The following ITSN1 variants were observed in gnomAD, a reference collection of about 807,000 sequenced individuals.
The protein encoded by ITSN1 is intersectin 1.
A neutral mutation model predicts 239.8 loss-of-function variants in ITSN1; 58 were observed. That is an observed-to-expected ratio of 0.24 (90% CI 0.20 to 0.30). The LOEUF is 0.30. Ranked by LOEUF, ITSN1 falls within the 10% of genes least tolerant of loss-of-function variation. The pLI, the probability that ITSN1 is intolerant of heterozygous loss-of-function variation, is 1.00. For synonymous variants in ITSN1, 780 were observed against 770.8 expected (o/e 1.01, Z -0.20); for missense variants, 1,558 against 2,103.3 (o/e 0.74, Z 5.07).
chr21:33,646,588 TAGTC>T lies in ITSN1; in HGVS notation c.-33+3878_-33+3881del, dbSNP rs548085759. Among the ~76,000 whole-genome samples the T allele has an allele frequency of 5.9e-5, 9 of 152,292 alleles. No individual in the cohort carries two copies. In the South Asian group the frequency reaches 1.0e-3, roughly 18 times the overall value. On this transcript the variant is annotated intron_variant, in intron 1 of 39. Transcript: ENST00000381318. ...GGAGAATATTGTGTTTGACCACACA[TAGTC>T]AGGGAGTTTGATCTAACCTCTCAAT...
chr21:33,725,278 G>A lies in ITSN1; in HGVS notation c.185+2627G>A, dbSNP rs1300486331. On this transcript the variant is annotated intron_variant, in intron 4 of 39. Transcript: ENST00000381318. ...AGCCTCCTGAGTAGCTGGGATTACA[G>A]GCGTACACCACCACGCCTGGCTGAT... Among the ~76,000 whole-genome samples the A allele has an allele frequency of 2.0e-5, 3 of 151,422 alleles. No individual in the cohort carries two copies. In the East Asian group the frequency reaches 5.8e-4, roughly 29 times the overall value.
chr21:33,749,310 T>G (rs908592574), intron 5 of ITSN1, among the ~76,000 whole-genome samples: 21 of 152,166 alleles, frequency 1.4e-4, no homozygotes, highest in African/African-American at 4.6e-4. Context: ...ATTTTTGTTT[T>G]ATCATTTCTT....
rs1269334053 is a variant in ITSN1, at chr21:33,888,943, C to G, written c.*643C>G. ...ATAGCCGTTCCTTCCCCCTCTAGGC[C>G]TTGTATTAATATATGTCAATGAAAA... is the stretch of plus-strand genomic sequence containing the variant. On this transcript the variant is annotated 3_prime_UTR_variant, in exon 40 of 40. Transcript: ENST00000381318. 6.6e-6 allele frequency: 1 copy of G among 152,184 alleles called. No individual in the cohort carries two copies. The highest frequency in any genetic ancestry group is 1.5e-5 in the Non-Finnish European group (1 of 68,082). The allele number at this position is 152,184 out of a possible 1,614,324, so 9.4% of individuals were successfully genotyped here.
rs769888415 is a variant in ITSN1, at chr21:33,811,240, C to T, written c.2567+18C>T. On this transcript the variant is annotated intron_variant, in intron 21 of 39. Transcript: ENST00000381318. ...AGCTCCACGTACGTGTTGGTGGGCTCTTTCTGATGATTTTTGAAATCCCAA... is the reference window on the plus strand; with the variant it reads ...AGCTCCACGTACGTGTTGGTGGGCTTTTTCTGATGATTTTTGAAATCCCAA... The T allele has an allele frequency of 3.2e-6, 5 of 1,543,406 alleles. No individual in the cohort carries two copies. Among genetic ancestry groups the T allele is most frequent in the Non-Finnish European group, 4.4e-6 (5 of 1,147,866 alleles).
intron 31 of ITSN1, among the ~76,000 whole-genome samples, chr21:33,860,370 T>C (rs1223821255): frequency 6.6e-6 from 1 of 151,804 alleles, no homozygotes; most frequent in Non-Finnish European, 1.5e-5. Flanking sequence ...ACCTTTTTCC[T>C]TGGGCAGCTA....
chr21:33,788,015 A>G (rs991456491), intron 16 of ITSN1, among the ~76,000 whole-genome samples: 1 of 152,122 alleles, frequency 6.6e-6, no homozygotes, highest in Non-Finnish European at 1.5e-5. Flanking sequence ...AAGGTTGTAA[A>G]AATTTAATAA....
intron 11 of ITSN1, among the ~76,000 whole-genome samples, chr21:33,768,440 C>T (rs2147744098): frequency 6.6e-6 from 1 of 152,144 alleles, no homozygotes; most frequent in South Asian, 2.1e-4. Flanking sequence ...TGCACCACGC[C>T]CGGCTAATTT....
intron 1 of ITSN1, among the ~76,000 whole-genome samples, chr21:33,674,756 A>G (rs1054019185): frequency 1.3e-5 from 2 of 152,212 alleles, no homozygotes; most frequent in Admixed American, 6.5e-5. Flanking sequence ...TTTTTATTAT[A>G]GGAGTAATGC....
At chr21:33,857,646 G>A (rs1011664917) in intron 30 of ITSN1, among the ~76,000 whole-genome samples, 1 of 152,170 alleles carries the variant, frequency 6.6e-6, no homozygotes, top group African/African-American at 2.4e-5. Flanking sequence ...GCTGTTGGAG[G>A]AGTACAGGGT....
At chr21:33,857,327 C>T (rs1109848) in intron 30 of ITSN1, among the ~76,000 whole-genome samples, 33,209 of 152,208 alleles carry the variant, frequency 0.22, 4,143 homozygotes, top group South Asian at 0.38. Flanking sequence ...AGAATGGCAA[C>T]GTTTCCTCCC....
chr21:33,684,829 A>C (rs1368379086), intron 1 of ITSN1, among the ~76,000 whole-genome samples: 1 of 152,222 alleles, frequency 6.6e-6, no homozygotes, highest in Non-Finnish European at 1.5e-5. Flanking sequence ...ATTGTTTTAT[A>C]ACTTTAAAGA....
intron 1 of ITSN1, among the ~76,000 whole-genome samples, chr21:33,702,848 C>T (rs1024879273): frequency 3.3e-5 from 5 of 152,108 alleles, no homozygotes; most frequent in African/African-American, 7.2e-5. Flanking sequence ...GAGGCTGAGG[C>T]GGGCAGATCA....
chr21:33,725,703 A>G (rs781119537), intron 4 of ITSN1, among the ~76,000 whole-genome samples: 2 of 152,232 alleles, frequency 1.3e-5, no homozygotes, highest in Non-Finnish European at 2.9e-5. Context: ...TAATGTGGCA[A>G]TCTTAGATTG....
intron 1 of ITSN1, among the ~76,000 whole-genome samples, chr21:33,662,252 C>A (rs991866195): frequency 6.6e-6 from 1 of 152,080 alleles, no homozygotes; most frequent in African/African-American, 2.4e-5. Context: ...CCGTACCTGC[C>A]GCAGCTATGA....
At chr21:33,694,262 A>G (rs1458857931) in intron 1 of ITSN1, among the ~76,000 whole-genome samples, 1 of 152,192 alleles carries the variant, frequency 6.6e-6, no homozygotes. Context: ...CCTGGGCTCA[A>G]GGAATCCTCC....
chr21:33,834,469 C>G, intron 28 of ITSN1, 45 bp downstream of exon 28: 1 of 1,316,958 alleles, frequency 7.6e-7, no homozygotes, highest in Non-Finnish European at 1.1e-6. Context: ...CTGCATGCCA[C>G]TTGAGTTTTT....
intron 28 of ITSN1, 148 bp from the exon 29 acceptor site, chr21:33,836,293 G>C: frequency 2.1e-6 from 1 of 486,356 alleles, no homozygotes; most frequent in Non-Finnish European, 3.5e-6. Context: ...TGCCCACACT[G>C]TAAAAAGCCC....
chr21:33,660,498 A>C (rs1443572187), intron 1 of ITSN1, among the ~76,000 whole-genome samples: 1 of 152,246 alleles, frequency 6.6e-6, no homozygotes, highest in Non-Finnish European at 1.5e-5. Flanking sequence ...AAACAAAAAA[A>C]TTTAGTGAAA....
chr21:33,658,711 C>T (rs540446065), intron 1 of ITSN1, among the ~76,000 whole-genome samples: 2 of 152,340 alleles, frequency 1.3e-5, no homozygotes, highest in African/African-American at 2.4e-5. Context: ...TGACCAACCT[C>T]TTCCTCTGTC....
Sources: gnomAD v4.1 joint callset for allele counts (sites outside exome capture counted in the v4.1 genomes callset) on GRCh38, gnomAD v4.1.1 for gene constraint, MANE v1.5 for transcripts, NCBI Gene and HGNC (gene_info 2026-07-23, HGNC 2026-07-21) for gene names.